FBN1: variants seen among roughly 807,000 people sequenced by gnomAD.
The protein encoded by FBN1 is fibrillin-1.
In FBN1, 29 loss-of-function variants were observed where a neutral mutation model predicts 365.1. The ratio of observed to expected loss-of-function variants is 0.08; its 90% CI spans 0.06 to 0.11. The LOEUF (loss-of-function observed/expected upper bound fraction) is 0.11, where lower values mean the gene tolerates loss of function less well. Among genes scored for constraint, FBN1 ranks in the 10% least tolerant of loss-of-function variants. The probability of loss-of-function intolerance (pLI) is 1.00; values close to 1 mark genes in which losing one functional copy is unlikely to be tolerated. For missense variants in FBN1, 2,476 were observed against 3,703.2 expected (o/e 0.67, Z 8.60); for synonymous variants, 1,210 against 1,270.5 (o/e 0.95, Z 1.01).
intron 43 of FBN1, among the ~76,000 whole-genome samples, chr15:48,459,536 A>G (rs1350230276): frequency 6.6e-6 from 1 of 152,218 alleles, no homozygotes; most frequent in Admixed American, 6.5e-5. Flanking sequence ...ACTAGACACA[A>G]CTGTGCAGAC....
intron 2 of FBN1, among the ~76,000 whole-genome samples, chr15:48,619,651 G>A (rs981986323): frequency 1.6e-4 from 24 of 151,912 alleles, no homozygotes; most frequent in African/African-American, 4.8e-4. Flanking sequence ...GTCCACAACC[G>A]GATACATCAG....
Position 48,536,881 on chromosome 15 carries a change from T to C in FBN1, c.736+730A>G, listed in dbSNP as rs185107483. Among the ~76,000 whole-genome samples, 238 of 152,348 alleles carry C rather than the reference T, an allele frequency of 1.6e-3. 1 individual carries two copies. Among genetic ancestry groups the C allele is most frequent in the African/African-American group, 5.3e-3 (221 of 41,578 alleles). On this transcript the variant is annotated intron_variant, in intron 7 of 65. Coordinates refer to ENST00000316623, the MANE Select transcript of FBN1 (RefSeq NM_000138.5). ...TTTCTGAAAATATTGCAACTTGCTA[T>C]AAAAAGTCCTGAGGCTGTCTAAAGG...
In FBN1 at chr15:48,456,871, T is replaced by TGTGTGC. The variant is rs749897052; in HGVS notation, c.5297-110_5297-109insGCACAC. 95 of 1,083,494 alleles carry TGTGTGC rather than the reference T, an allele frequency of 8.8e-5. No homozygotes were observed. The African/African-American group carries it at 1.0e-3, about 12-fold the overall frequency. 67.1% of individuals were successfully genotyped at this position (1,083,494 alleles called of 1,614,324 possible). On this transcript the variant is annotated intron_variant, in intron 43 of 65. Coordinates refer to ENST00000316623, the MANE Select transcript of FBN1 (RefSeq NM_000138.5). ...GTGTGTGTGTGTGTGTGTGTGTGTGTGCGTGCATGTGTTGGGGTGGTGGTG... is the reference window on the plus strand; with the variant it reads ...GTGTGTGTGTGTGTGTGTGTGTGTGTGTGTGCGCGTGCATGTGTTGGGGTGGTGGTG...
intron 6 of FBN1, among the ~76,000 whole-genome samples, chr15:48,541,989 G>A (rs1879241415): frequency 3.3e-5 from 5 of 152,152 alleles, no homozygotes; most frequent in Admixed American, 1.3e-4. Flanking sequence ...TTACTCCAGT[G>A]TGGCTGGTTC....
At chr15:48,428,070 C>A in intron 57 of FBN1, 1 of 642,186 alleles carries the variant, frequency 1.6e-6, no homozygotes, top group Non-Finnish European at 2.8e-6. Flanking sequence ...GGCAGAGAAA[C>A]ATACGGAAGT....
chr15:48,565,530 T>C (rs2044253629), intron 6 of FBN1, among the ~76,000 whole-genome samples: 1 of 151,698 alleles, frequency 6.6e-6, no homozygotes, highest in South Asian at 2.1e-4. Flanking sequence ...ACCCCATTAT[T>C]ACTAAATGAA....
intron 43 of FBN1, among the ~76,000 whole-genome samples, chr15:48,459,124 C>T (rs918140259): frequency 6.6e-6 from 1 of 152,212 alleles, no homozygotes; most frequent in Non-Finnish European, 1.5e-5. Context: ...GTGGACAACG[C>T]TAATGTTCTT....
At chr15:48,588,579 T>C (rs1469599876) in intron 6 of FBN1, among the ~76,000 whole-genome samples, 2 of 152,216 alleles carry the variant, frequency 1.3e-5, no homozygotes, top group African/African-American at 4.8e-5. Context: ...ATGATTAGCT[T>C]TGATAACACA....
At chr15:48,507,902 T>C (rs909084025) in intron 15 of FBN1, among the ~76,000 whole-genome samples, 61 of 152,110 alleles carry the variant, frequency 4.0e-4, no homozygotes, top group Non-Finnish European at 7.6e-4. Flanking sequence ...CAAATTTGTC[T>C]CCAGTAACTT....
chr15:48,500,019 C>T (rs1366969651), intron 17 of FBN1, among the ~76,000 whole-genome samples: 1 of 152,140 alleles, frequency 6.6e-6, no homozygotes, highest in African/African-American at 2.4e-5. Context: ...ATGAGTTATA[C>T]AACCAAAGAT....
At position 48,644,841 on chromosome 15, in the gene FBN1, C is replaced by T; in HGVS notation, c.-72G>A. ...GCTCGGTCTGCGGCCGCCGCTGCGC[C>T]CTGAAGCGCACCGCGCCGCCGGGGT... On this transcript the variant is annotated 5_prime_UTR_variant, in exon 2 of 66. Coordinates refer to ENST00000316623, the MANE Select transcript of FBN1 (RefSeq NM_000138.5). 7.0e-7 allele frequency: 1 copy of T among 1,427,990 alleles called. No homozygotes were observed. Among genetic ancestry groups the T allele is most frequent in the South Asian group, 1.4e-5 (1 of 70,330 alleles). The allele number at this position is 1,427,990 out of a possible 1,614,324, so 88.5% of individuals were successfully genotyped here. A position where few individuals can be genotyped will look rare whatever the true frequency, so the allele number is the denominator to read the frequency against.
intron 6 of FBN1, among the ~76,000 whole-genome samples, chr15:48,551,567 A>G (rs1315416654): frequency 1.3e-5 from 2 of 150,598 alleles, no homozygotes; most frequent in Admixed American, 6.6e-5. Flanking sequence ...GGTTTGTTAC[A>G]TAGGTAAACT....
At chr15:48,471,080 C>T (rs1001682138) in intron 35 of FBN1, among the ~76,000 whole-genome samples, 4 of 151,308 alleles carry the variant, frequency 2.6e-5, no homozygotes, top group Admixed American at 6.6e-5. Flanking sequence ...ACGCTAAATT[C>T]GTTTTTTTTT....
intron 35 of FBN1, 57 bp downstream of exon 35, chr15:48,472,493 TA>T: frequency 6.4e-7 from 1 of 1,556,116 alleles, no homozygotes; most frequent in South Asian, 1.1e-5. Context: ...CAGGAATGTT[TA>T]AATAACCTAA....
chr15:48,414,841 A>G (rs1274873137), intron 64 of FBN1, among the ~76,000 whole-genome samples: 1 of 150,072 alleles, frequency 6.7e-6, no homozygotes, highest in Admixed American at 6.7e-5. Flanking sequence ...GCTTGCAGTG[A>G]GCTGAGATTG....
intron 47 of FBN1, among the ~76,000 whole-genome samples, chr15:48,446,286 TGAGA>T (rs1010203323): frequency 2.6e-5 from 4 of 151,814 alleles, no homozygotes; most frequent in Admixed American, 6.6e-5. Flanking sequence ...TAAAATATTT[TGAGA>T]GAGAGAGAGA....
chr15:48,489,605 T>C (rs565292485), intron 25 of FBN1, among the ~76,000 whole-genome samples: 62 of 152,296 alleles, frequency 4.1e-4, no homozygotes, highest in Middle Eastern at 3.4e-3. Flanking sequence ...GTAACTGACA[T>C]TTAAGAGGGC....
Position 48,432,248 on chromosome 15 carries a change from C to T in FBN1, c.6739+618G>A, listed in dbSNP as rs747999924. ...CCACCCTTAAGCAAAATTATATTTA[C>T]GCCATCTTGAGAGAACAGGTGTCTG... On this transcript the variant is annotated intron_variant, in intron 55 of 65. Transcript: ENST00000316623. Among the ~76,000 whole-genome samples the T allele has an allele frequency of 2.3e-4, 35 of 152,268 alleles. 1 individual carries two copies. The highest frequency in any genetic ancestry group is 3.4e-3 in the Middle Eastern group (1 of 294).
chr15:48,503,996 C>T, intron 16 of FBN1, 57 bp from the exon 17 acceptor site: 1 of 1,606,802 alleles, frequency 6.2e-7, no homozygotes, highest in Non-Finnish European at 8.5e-7. Context: ...TGAGAACCCC[C>T]CAAGTCAAAG....
Sources: allele counts gnomAD v4.1 joint callset (sites outside exome capture counted in the v4.1 genomes callset), GRCh38; gene constraint gnomAD v4.1.1; transcripts MANE v1.5; gene names NCBI Gene and HGNC (gene_info 2026-07-23, HGNC 2026-07-21).